FAM78B: variants seen among roughly 807,000 people sequenced by gnomAD.
The protein encoded by FAM78B is family with sequence similarity 78 member B.
Under a neutral mutation model 20.0 loss-of-function variants are expected in FAM78B, and 10 were observed. That is an observed-to-expected ratio of 0.50 (90% CI 0.31 to 0.85). The LOEUF is 0.85. Among genes scored for constraint, FAM78B ranks in the 40% least tolerant of loss-of-function variants. FAM78B has a pLI of 0.05. For missense variants in FAM78B, 283 were observed against 345.0 expected, an observed-to-expected ratio of 0.82 and a Z score of 1.42; for synonymous variants, 135 against 132.8, an observed-to-expected ratio of 1.02 and a Z score of -0.12.
chr1:166,119,985 T>A (rs1405903660), intron 1 of FAM78B, among the ~76,000 whole-genome samples: 1 of 152,174 alleles, frequency 6.6e-6, no homozygotes, highest in African/African-American at 2.4e-5. Flanking sequence ...AGCCTGTGGA[T>A]CTACTGTTCC....
At chr1:166,100,128 C>A (rs1307199393) in intron 1 of FAM78B, among the ~76,000 whole-genome samples, 1 of 152,192 alleles carries the variant, frequency 6.6e-6, no homozygotes, top group African/African-American at 2.4e-5. Flanking sequence ...CATCCAAATA[C>A]ATGGAAATTA....
chr1:166,101,400 G>A (rs1293709933), intron 1 of FAM78B, among the ~76,000 whole-genome samples: 4 of 152,174 alleles, frequency 2.6e-5, no homozygotes, highest in Non-Finnish European at 5.9e-5. Context: ...CGAGCTAAAG[G>A]AGGAAGTTTG....
exon 3 of FAM78B, chr1:166,060,178 A>G (rs905880297): frequency 6.5e-5 from 12 of 184,528 alleles, no homozygotes; most frequent in South Asian, 1.1e-4. Flanking sequence ...CCACATGGAG[A>G]AGGAGGAGGA....
intron 1 of FAM78B, among the ~76,000 whole-genome samples, chr1:166,079,435 G>A (rs1652477491): frequency 6.6e-6 from 1 of 152,168 alleles, no homozygotes; most frequent in African/African-American, 2.4e-5. Context: ...GTCTTTCCAA[G>A]GGCAGTCCAC....
At chr1:166,140,954 T>G (rs978467006) in intron 1 of FAM78B, among the ~76,000 whole-genome samples, 1 of 152,222 alleles carries the variant, frequency 6.6e-6, no homozygotes, top group African/African-American at 2.4e-5. Context: ...TTGGAGTTCA[T>G]AGCCAGCAAA....
intron 1 of FAM78B, among the ~76,000 whole-genome samples, chr1:166,076,893 T>C (rs1005276207): frequency 6.6e-6 from 1 of 152,078 alleles, no homozygotes; most frequent in African/African-American, 2.4e-5. Context: ...GGATGTAAAT[T>C]TGGCAACCAT....
At chr1:166,083,723 C>T (rs1571145334) in intron 1 of FAM78B, among the ~76,000 whole-genome samples, 1 of 149,750 alleles carries the variant, frequency 6.7e-6, no homozygotes, top group East Asian at 2.0e-4. Context: ...AGGATGGTCT[C>T]GATCTCTTGA....
At chr1:166,161,475 T>C (rs1656146152) in intron 1 of FAM78B, among the ~76,000 whole-genome samples, 1 of 152,198 alleles carries the variant, frequency 6.6e-6, no homozygotes, top group Non-Finnish European at 1.5e-5. Context: ...AGCAAGAAAC[T>C]AATAACATCT....
At chr1:166,112,484 AG>A (rs1654092633) in intron 1 of FAM78B, among the ~76,000 whole-genome samples, 1 of 152,196 alleles carries the variant, frequency 6.6e-6, no homozygotes, top group South Asian at 2.1e-4. Context: ...AAATGCTGCA[AG>A]ACCAAGTGCT....
At chr1:166,066,089 G>A (rs961619228), downstream of FAM78B, among the ~76,000 whole-genome samples, 1 of 152,204 alleles carries the variant, frequency 6.6e-6, no homozygotes, top group Non-Finnish European at 1.5e-5. Flanking sequence ...GGCTGCTCCT[G>A]CCATGTTGAG....
chr1:166,056,982 G>A (rs960539002), downstream of FAM78B, among the ~76,000 whole-genome samples: 7 of 152,286 alleles, frequency 4.6e-5, no homozygotes, highest in African/African-American at 1.7e-4. Flanking sequence ...TTTGCACCAC[G>A]TGAGGGCACA....
chr1:166,110,426 T>C (rs1184852604), intron 1 of FAM78B, among the ~76,000 whole-genome samples: 1 of 152,158 alleles, frequency 6.6e-6, no homozygotes, highest in Non-Finnish European at 1.5e-5. Flanking sequence ...TCACTTCTGC[T>C]GTTTTGGACA....
Position 166,166,124 on chromosome 1 carries a change from A to C in FAM78B, c.125T>G (p.Leu42Arg). 6.2e-7 allele frequency: 1 copy of C among 1,611,272 alleles called. No homozygotes were observed. The highest frequency in any genetic ancestry group is 8.5e-7 in the Non-Finnish European group (1 of 1,178,696). ...TRIEETSPIVLRYKTPYFKAS... is the reference protein window; with the variant it reads ...TRIEETSPIVRRYKTPYFKAS... Reference sequence around the variant, plus strand: ...TTTGAAGTAGGGGGTCTTGTAGCGCAGGACGATGGGCGAGGTCTCCTCGAT... The same window carrying C: ...TTTGAAGTAGGGGGTCTTGTAGCGCCGGACGATGGGCGAGGTCTCCTCGAT... Residue 42 changes from leucine (L) to arginine (R), a missense_variant, in exon 1 of 2, where the codon CTG (leucine) becomes CGG (arginine). Leu to Arg is a moderately radical substitution (Grantham distance 102). Transcript: ENST00000354422.
At chr1:166,110,911 A>G (rs967815242) in intron 1 of FAM78B, among the ~76,000 whole-genome samples, 1 of 152,210 alleles carries the variant, frequency 6.6e-6, no homozygotes, top group Admixed American at 6.5e-5. Context: ...CAAGCTTTGG[A>G]AAGTCTGTGC....
rs1219573644 is a variant in FAM78B, at chr1:166,070,274, C to T, written c.753G>A (p.Arg251=). ...GAGGGATCACAACCAGAGGTGGCCC[C>T]CGCTTGGGCCTCCACATGAGGACCT... is the stretch of plus-strand genomic sequence containing the variant. ...DAQVLMWRPK[R]GPPLVVIPPK The change falls in exon 2 of 2, where the codon CGG becomes CGA. Residue 251 remains arginine (R), a synonymous_variant. Coordinates refer to ENST00000354422, the MANE Select transcript of FAM78B (RefSeq NM_001017961.5). The T allele has an allele frequency of 1.9e-6, 3 of 1,555,684 alleles. No individual in the cohort carries two copies. Among genetic ancestry groups the T allele is most frequent in the Middle Eastern group, 1.7e-4 (1 of 5,740 alleles).
intron 1 of FAM78B, among the ~76,000 whole-genome samples, chr1:166,136,687 G>A (rs1478299167): frequency 1.3e-5 from 2 of 152,232 alleles, no homozygotes; most frequent in Non-Finnish European, 2.9e-5. Flanking sequence ...GCAACGTTAT[G>A]AGATGAAAAA....
At chr1:166,084,237 A>ACACACACACTCTCTCTCTCTCT (rs771421402) in intron 1 of FAM78B, among the ~76,000 whole-genome samples, 2 of 125,414 alleles carry the variant, frequency 1.6e-5, no homozygotes, top group Admixed American at 1.7e-4. Context: ...ACACACACAC[A>ACACACACACTCTCTCTCTCTCT]CTCTCTCTCT....
intron 1 of FAM78B, among the ~76,000 whole-genome samples, chr1:166,107,407 T>C (rs549477240): frequency 7.1e-4 from 108 of 152,162 alleles, no homozygotes; most frequent in African/African-American, 2.3e-3. Context: ...CTGGAAGAGA[T>C]AGAAAAATTC....
At chr1:166,146,164 A>G (rs1243769096) in intron 1 of FAM78B, among the ~76,000 whole-genome samples, 1 of 152,222 alleles carries the variant, frequency 6.6e-6, no homozygotes, top group Non-Finnish European at 1.5e-5. Context: ...AGGACAATTC[A>G]GGGGGATGCT....
Sources: allele counts gnomAD v4.1 joint callset (sites outside exome capture counted in the v4.1 genomes callset), GRCh38; gene constraint gnomAD v4.1.1; transcripts MANE v1.5; gene names NCBI Gene and HGNC (gene_info 2026-07-23, HGNC 2026-07-21).